PPP2R2C: variants seen among roughly 807,000 people sequenced by gnomAD.
PPP2R2C encodes the protein protein phosphatase 2 regulatory subunit Bgamma.
In PPP2R2C, 10 loss-of-function variants were observed where a neutral mutation model predicts 45.3. The ratio of observed to expected loss-of-function variants is 0.22; its 90% CI spans 0.14 to 0.37. The LOEUF (loss-of-function observed/expected upper bound fraction) is 0.37, where lower values mean the gene tolerates loss of function less well. Ranked by LOEUF, PPP2R2C falls within the 10% of genes least tolerant of loss-of-function variation. The pLI, the probability that PPP2R2C is intolerant of heterozygous loss-of-function variation, is 1.00. For missense variants in PPP2R2C, 308 were observed against 619.7 expected, an observed-to-expected ratio of 0.50 and a Z score of 5.34; for synonymous variants, 257 against 245.4, an observed-to-expected ratio of 1.05 and a Z score of -0.44.
At chr4:6,355,325 GT>G (rs1274853715) in intron 5 of PPP2R2C, among the ~76,000 whole-genome samples, 1 of 152,160 alleles carries the variant, frequency 6.6e-6, no homozygotes, top group Non-Finnish European at 1.5e-5. Context: ...GGTCACAACA[GT>G]CCCCAGAGTG....
At chr4:6,562,055 C>G (rs957606136) in intron 1 of PPP2R2C, among the ~76,000 whole-genome samples, 2 of 152,184 alleles carry the variant, frequency 1.3e-5, no homozygotes, top group East Asian at 3.9e-4. Context: ...ACAGAGAAGG[C>G]ATCCCAGGTG....
chr4:6,414,077 TG>T, intron 1 of PPP2R2C: 38 of 154,494 alleles, frequency 2.5e-4, no homozygotes, highest in African/African-American at 1.1e-3. Context: ...TGCCTGTGTA[TG>T]TGTGTGTGTG....
At chr4:6,416,832 C>T (rs1420882001) in intron 1 of PPP2R2C, among the ~76,000 whole-genome samples, 1 of 152,172 alleles carries the variant, frequency 6.6e-6, no homozygotes, top group Admixed American at 6.5e-5. Flanking sequence ...GCTGGGCTCC[C>T]TGTGTGTGCC....
chr4:6,466,156 A>G (rs1249736828), intron 1 of PPP2R2C, among the ~76,000 whole-genome samples: 2 of 152,242 alleles, frequency 1.3e-5, no homozygotes, highest in Admixed American at 6.5e-5. Flanking sequence ...TGAGCTGTCC[A>G]CTGTGCATGG....
intron 5 of PPP2R2C, 149 bp downstream of exon 5, chr4:6,372,374 C>T (rs1714903679): frequency 1.0e-5 from 8 of 794,752 alleles, no homozygotes; most frequent in East Asian, 8.1e-5. Context: ...GGGCCTCACA[C>T]GCATACTAGG....
chr4:6,463,312 C>T (rs745921996), intron 1 of PPP2R2C, among the ~76,000 whole-genome samples: 2 of 151,884 alleles, frequency 1.3e-5, no homozygotes, highest in Non-Finnish European at 2.9e-5. Context: ...GGCCTGGGAG[C>T]CCAAGCCCAG....
chr4:6,500,444 G>A (rs974972416), intron 2 of PPP2R2C, among the ~76,000 whole-genome samples: 7 of 152,196 alleles, frequency 4.6e-5, no homozygotes, highest in East Asian at 1.9e-4. Context: ...CATTGCACCC[G>A]GCCAGCAGAA....
chr4:6,358,645 CAA>C (rs34448087), intron 5 of PPP2R2C, among the ~76,000 whole-genome samples: 53 of 151,412 alleles, frequency 3.5e-4, no homozygotes, highest in Non-Finnish European at 5.3e-4. Flanking sequence ...AACAAATTTA[CAA>C]AAAAAAAATC....
At chr4:6,472,963 T>A (rs765721199), upstream of PPP2R2C, among the ~76,000 whole-genome samples, 4 of 142,060 alleles carry the variant, frequency 2.8e-5, no homozygotes, top group African/African-American at 1.1e-4. Flanking sequence ...AAGGAAGGAG[T>A]GGGGTCGCAG....
At chr4:6,350,382 A>G (rs1199423394) in intron 5 of PPP2R2C, 1 of 985,352 alleles carries the variant, frequency 1.0e-6, no homozygotes, top group Non-Finnish European at 1.2e-6. Context: ...TGTCACGCAC[A>G]TTAGTGCGAC....
intron 1 of PPP2R2C, among the ~76,000 whole-genome samples, chr4:6,555,154 C>T (rs1234204206): frequency 6.6e-6 from 1 of 152,076 alleles, no homozygotes; most frequent in East Asian, 1.9e-4. Context: ...CTGCCTCGGC[C>T]TCTTTTATAA....
At chr4:6,429,210 G>A (rs954878620) in intron 1 of PPP2R2C, among the ~76,000 whole-genome samples, 6 of 152,244 alleles carry the variant, frequency 3.9e-5, no homozygotes, top group Non-Finnish European at 1.5e-5. Context: ...GGTATACCAT[G>A]TGACAGAGAA....
At chr4:6,365,463 C>T (rs1714215921) in intron 5 of PPP2R2C, among the ~76,000 whole-genome samples, 1 of 152,186 alleles carries the variant, frequency 6.6e-6, no homozygotes, top group South Asian at 2.1e-4. Context: ...ACTCATCGGC[C>T]ATTCCACCTT....
chr4:6,434,711 T>C (rs1719812928), intron 1 of PPP2R2C, among the ~76,000 whole-genome samples: 2 of 152,176 alleles, frequency 1.3e-5, no homozygotes, highest in Non-Finnish European at 2.9e-5. Flanking sequence ...TCCATAGCCA[T>C]GTTTCTGAGA....
chr4:6,351,074 G>C (rs1183937683), intron 5 of PPP2R2C: 1 of 961,950 alleles, frequency 1.0e-6, no homozygotes, highest in Non-Finnish European at 1.2e-6. Context: ...GGAGGTCAAG[G>C]CGAGCAGGTC....
Position 6,321,690 on chromosome 4 carries a change from C to CT in PPP2R2C, c.*1611dup, listed in dbSNP as rs1405207475. ...AACCAAAAAAAAAGTTTGGATTTGG[C>CT]TGGGTCTCTGCTCCCCACTTTCTGA... On this transcript the variant is annotated 3_prime_UTR_variant, in exon 9 of 9. Coordinates refer to ENST00000382599, the MANE Select transcript of PPP2R2C (RefSeq NM_020416.4). The CT allele has an allele frequency of 2.6e-5, 4 of 152,066 alleles. No homozygotes were observed. Among genetic ancestry groups the CT allele is most frequent in the African/African-American group, 9.6e-5 (4 of 41,482 alleles). 9.4% of individuals were successfully genotyped at this position (152,066 alleles called of 1,614,324 possible).
chr4:6,429,908 G>T (rs1446744085), intron 1 of PPP2R2C, among the ~76,000 whole-genome samples: 1 of 152,044 alleles, frequency 6.6e-6, no homozygotes, highest in East Asian at 1.9e-4. Flanking sequence ...TGGGAAGGAG[G>T]TCTATTGAAA....
intron 2 of PPP2R2C, among the ~76,000 whole-genome samples, chr4:6,495,693 A>C (rs912417342): frequency 2.0e-5 from 3 of 152,256 alleles, no homozygotes; most frequent in Non-Finnish European, 4.4e-5. Flanking sequence ...GGTGAAAATC[A>C]GCTAAAAGAT....
At chr4:6,438,288 C>T (rs544471370) in intron 1 of PPP2R2C, among the ~76,000 whole-genome samples, 2 of 152,262 alleles carry the variant, frequency 1.3e-5, no homozygotes, top group South Asian at 2.1e-4. Flanking sequence ...CGCAGCCTTT[C>T]TCAGTGTGTT....
Sources: allele counts gnomAD v4.1 joint callset (sites outside exome capture counted in the v4.1 genomes callset), GRCh38; gene constraint gnomAD v4.1.1; transcripts MANE v1.5; gene names NCBI Gene and HGNC (gene_info 2026-07-23, HGNC 2026-07-21).